The following RSPH10B2 variants were observed in gnomAD, a reference collection of about 807,000 sequenced individuals.
RSPH10B2 encodes radial spoke head 10 homolog B2 (Chlamydomonas).
A neutral mutation model predicts 49.0 loss-of-function variants in RSPH10B2; 9 were observed. The observed-to-expected ratio is 0.18, with a 90% CI of 0.11 to 0.32. RSPH10B2 has a LOEUF of 0.32. RSPH10B2 is among the 10% of genes least tolerant of loss of function. The pLI is 1.00. For missense variants in RSPH10B2, 95 were observed against 589.9 expected, an observed-to-expected ratio of 0.16 and a Z score of 8.69; for synonymous variants, 35 against 210.2, an observed-to-expected ratio of 0.17 and a Z score of 7.21.
Position 6,781,283 on chromosome 7 carries a change from TC to T in RSPH10B2, c.1610-44del. The T allele has an allele frequency of 3.1e-6, 4 of 1,305,538 alleles. 1 individual carries two copies. In the Middle Eastern group the frequency reaches 6.9e-4, roughly 224 times the overall value. 80.9% of individuals were successfully genotyped at this position (1,305,538 alleles called of 1,614,324 possible). ...ATTATATTTACTGCTATTTTTTTTC[TC>T]AAAACATAAATCTGTAATCATTTTT... is the stretch of plus-strand genomic sequence containing the variant. On this transcript the variant is annotated intron_variant, in intron 12 of 18. Coordinates refer to ENST00000297186, the Ensembl canonical transcript of RSPH10B2.
At chr7:6,758,971 T>A (rs139878953) in intron 1 of RSPH10B2, 113 bp from the exon 4 acceptor site, 31,467 of 445,066 alleles carry the variant, frequency 0.071, 289 homozygotes, top group African/African-American at 0.18. Context: ...ATATATATAT[T>A]TTTTTTTTTT....
Position 6,779,417 on chromosome 7 carries a change from GC to G in RSPH10B2, c.1415-192del, listed in dbSNP as rs1340871383. Among the ~76,000 whole-genome samples the G allele has an allele frequency of 1.8e-4, 21 of 113,618 alleles. 4 individuals carry two copies. The highest frequency in any genetic ancestry group is 3.1e-4 in the Admixed American group (3 of 9,756). 74.5% of individuals were successfully genotyped at this position (113,618 alleles called of 152,430 possible). ...GTTTGCTGCTGCAGCCTCCCAAAGTGCTGGGATTACAGGCGTGAGCCACCGT... is the reference window on the plus strand; with the variant it reads ...GTTTGCTGCTGCAGCCTCCCAAAGTGTGGGATTACAGGCGTGAGCCACCGT... On this transcript the variant is annotated intron_variant, in intron 10 of 18. Coordinates refer to ENST00000297186, the Ensembl canonical transcript of RSPH10B2.
At chr7:6,769,729 C>T (rs1190231520) in intron 7 of RSPH10B2, among the ~76,000 whole-genome samples, 2 of 114,264 alleles carry the variant, frequency 1.8e-5, no homozygotes, top group African/African-American at 7.6e-5. Context: ...GCTGGGATTA[C>T]AGGTGTGCGC....
intron 3 of RSPH10B2, among the ~76,000 whole-genome samples, chr7:6,760,901 C>A: frequency 2.4e-5 from 1 of 41,190 alleles, no homozygotes; most frequent in South Asian, 1.8e-3. Flanking sequence ...TTTGTAGAGA[C>A]AGGGTTTGCC....
At chr7:6,782,268 G>A (rs1271550051) in intron 13 of RSPH10B2, among the ~76,000 whole-genome samples, 22 of 145,926 alleles carry the variant, frequency 1.5e-4, no homozygotes, top group African/African-American at 5.7e-4. Flanking sequence ...AGATAGGGCC[G>A]AGTACAGCGG....
chr7:6,797,260 T>A (rs57028861), intron 18 of RSPH10B2, among the ~76,000 whole-genome samples: 1 of 137,338 alleles, frequency 7.3e-6, no homozygotes, highest in Non-Finnish European at 1.6e-5. Flanking sequence ...CTGCCAGCCT[T>A]GGCCTCCCAA....
At chr7:6,768,204 CA>C (rs1213061077) in intron 6 of RSPH10B2, among the ~76,000 whole-genome samples, 1 of 151,576 alleles carries the variant, frequency 6.6e-6, no homozygotes, top group Non-Finnish European at 1.5e-5. Context: ...TATATAAAAG[CA>C]AATAAACCCC....
At chr7:6,794,014 C>T (rs1782459575) in intron 17 of RSPH10B2, 1 of 149,648 alleles carries the variant, frequency 6.7e-6, no homozygotes. Context: ...TGCTAGGCAT[C>T]TTGGGGGGCT....
chr7:6,755,936 T>G (rs1781043774), upstream of RSPH10B2, among the ~76,000 whole-genome samples: 1 of 106,476 alleles, frequency 9.4e-6, no homozygotes. Context: ...AGAGAGTCTG[T>G]CTAAAAAAAA....
Position 6,773,891 on chromosome 7 carries a change from CG to C in RSPH10B2, c.1224+421del, listed in dbSNP as rs781493822. On this transcript the variant is annotated intron_variant, in intron 9 of 18. Transcript: ENST00000297186. ...TGTATGTGTTTATTCAGTTGAATTG[CG>C]TTTTCAAAAGCAGGAATGAATGCTC... 9.6e-3 allele frequency among the ~76,000 whole-genome samples: 17 copies of C among 1,780 alleles called. 1 individual carries two copies. The highest frequency in any genetic ancestry group is 0.019 in the Non-Finnish European group (15 of 784). 1.2% of individuals were successfully genotyped at this position (1,780 alleles called of 152,430 possible).
At chr7:6,786,723 G>A (rs2115472309) in intron 14 of RSPH10B2, among the ~76,000 whole-genome samples, 155 bp from the exon 17 acceptor site, 1 of 140,852 alleles carries the variant, frequency 7.1e-6, no homozygotes, top group East Asian at 2.5e-4. Context: ...GTGTGTGCAT[G>A]TGTGTGTGTC....
intron 6 of RSPH10B2, among the ~76,000 whole-genome samples, chr7:6,767,966 C>A (rs1413456105): frequency 7.0e-6 from 1 of 143,304 alleles, no homozygotes; most frequent in Non-Finnish European, 1.5e-5. Flanking sequence ...TGGGAGACCA[C>A]CTGAGGATTG....
intron 16 of RSPH10B2, among the ~76,000 whole-genome samples, chr7:6,791,369 GTTTT>G (rs1164729990): frequency 1.3e-4 from 15 of 116,424 alleles, no homozygotes; most frequent in African/African-American, 4.8e-4. Context: ...AGTTTTGGGG[GTTTT>G]TTTTGAGAGG....
At position 6,796,876 on chromosome 7, in the gene RSPH10B2, C is replaced by T. The variant is rs1782592393; in HGVS notation, c.2432+110C>T. On this transcript the variant is annotated intron_variant, in intron 18 of 18. Coordinates refer to ENST00000297186, the Ensembl canonical transcript of RSPH10B2. ...GTGCTTTCCGGACAAGCCGTAATTT[C>T]CTATGGGCGTCGTTGACATAAAAAG... The T allele has an allele frequency of 1.6e-5, 10 of 625,430 alleles. 2 individuals are homozygous for T. The allele number at this position is 625,430 out of a possible 1,614,324, so 38.7% of individuals were successfully genotyped here. A position where few individuals can be genotyped will look rare whatever the true frequency, so the allele number is the denominator to read the frequency against.
chr7:6,768,398 A>AGGT (rs1437590737), intron 6 of RSPH10B2, among the ~76,000 whole-genome samples, 192 bp from the exon 9 acceptor site: 1 of 151,098 alleles, frequency 6.6e-6, no homozygotes, highest in Non-Finnish European at 1.5e-5. Flanking sequence ...AGAGGGCTTA[A>AGGT]GTGATCTGCC....
intron 14 of RSPH10B2, among the ~76,000 whole-genome samples, chr7:6,786,268 C>T (rs539477485): frequency 8.3e-5 from 7 of 84,716 alleles, no homozygotes; most frequent in African/African-American, 1.6e-4. Context: ...CTGCAAGCTC[C>T]GCCTCCCGGG....
chr7:6,768,089 G>A, intron 6 of RSPH10B2, among the ~76,000 whole-genome samples: 1 of 105,588 alleles, frequency 9.5e-6, no homozygotes, highest in Non-Finnish European at 1.9e-5. Context: ...CTACTTGGGA[G>A]GCTGAGGATC....
intron 10 of RSPH10B2, among the ~76,000 whole-genome samples, chr7:6,776,966 A>G (rs1382898190): frequency 7.8e-6 from 1 of 127,572 alleles, no homozygotes; most frequent in Non-Finnish European, 1.7e-5. Flanking sequence ...AGGGAGCAGT[A>G]CTGGTCCATG....
At chr7:6,764,281 A>AG (rs1467614348) in intron 4 of RSPH10B2, among the ~76,000 whole-genome samples, 180 bp downstream of exon 6, 24 of 136,846 alleles carry the variant, frequency 1.8e-4, no homozygotes, top group South Asian at 2.6e-4. Context: ...AGAAGGGGGT[A>AG]GGGGCTAGCG....
Sources: gnomAD v4.1 joint callset for allele counts (sites outside exome capture counted in the v4.1 genomes callset) on GRCh38, gnomAD v4.1.1 for gene constraint, MANE v1.5 for transcripts, NCBI Gene and HGNC (gene_info 2026-07-23, HGNC 2026-07-21) for gene names.